Variants in RBMS3 observed in about 807,000 individuals in gnomAD.
RBMS3 encodes the protein RNA-binding motif, single-stranded-interacting protein 3.
In RBMS3, 27 loss-of-function variants were observed where a neutral mutation model predicts 66.8. That is an observed-to-expected ratio of 0.40 (90% CI 0.30 to 0.56). RBMS3 has a LOEUF of 0.56. Among genes scored for constraint, RBMS3 ranks in the 20% least tolerant of loss-of-function variants. The probability of loss-of-function intolerance (pLI) is 0.40; values close to 1 mark genes in which losing one functional copy is unlikely to be tolerated. For synonymous variants in RBMS3, 188 were observed against 183.0 expected, an observed-to-expected ratio of 1.03 and a Z score of -0.22; for missense variants, 513 against 549.5, an observed-to-expected ratio of 0.93 and a Z score of 0.66.
chr3:29,488,565 G>A (rs1036797923), intron 3 of RBMS3, 66 bp downstream of exon 3: 3 of 1,420,076 alleles, frequency 2.1e-6, no homozygotes, highest in Non-Finnish European at 2.9e-6. Context: ...TTCTTCCATT[G>A]TGGAGGTCCA....
At position 29,435,250 on chromosome 3, in the gene RBMS3, C is replaced by T. The variant is rs944095445; in HGVS notation, c.248+335C>T. Among the ~76,000 whole-genome samples, 7 of 152,274 alleles carry T rather than the reference C, an allele frequency of 4.6e-5. No individual in the cohort carries two copies. The East Asian group carries it at 9.7e-4, about 21-fold the overall frequency. On this transcript the variant is annotated intron_variant, in intron 2 of 14. Transcript: ENST00000383767. Reference sequence around the variant, plus strand: ...TCATTGATGAGTCTCATGAAATAAACGATTTTCTTGAGAAGTATTAGTGAA... The same window carrying T: ...TCATTGATGAGTCTCATGAAATAAATGATTTTCTTGAGAAGTATTAGTGAA...
intron 11 of RBMS3, among the ~76,000 whole-genome samples, chr3:29,943,951 G>A (rs1695126577): frequency 6.6e-6 from 1 of 151,650 alleles, no homozygotes; most frequent in Non-Finnish European, 1.5e-5. Context: ...ACAGGCTGTG[G>A]AAGATGACAG....
intron 5 of RBMS3, among the ~76,000 whole-genome samples, chr3:29,759,961 T>C (rs2055595002): frequency 6.6e-6 from 1 of 152,096 alleles, no homozygotes; most frequent in African/African-American, 2.4e-5. Flanking sequence ...ATTTATTCTT[T>C]CAGAGACGGG....
At chr3:29,847,022 C>T (rs56217513) in intron 6 of RBMS3, among the ~76,000 whole-genome samples, 34,798 of 152,084 alleles carry the variant, frequency 0.23, 5,141 homozygotes, top group Non-Finnish European at 0.34. Flanking sequence ...AGATGCAAGG[C>T]GCCATATCGC....
intron 4 of RBMS3, among the ~76,000 whole-genome samples, chr3:29,739,369 T>C (rs1454047583): frequency 6.9e-6 from 1 of 145,592 alleles, no homozygotes; most frequent in Non-Finnish European, 1.5e-5. Flanking sequence ...AGCAGGAGAA[T>C]GGCGTGAACC....
intron 2 of RBMS3, among the ~76,000 whole-genome samples, chr3:29,470,417 A>T (rs2042685703): frequency 6.6e-6 from 1 of 152,078 alleles, no homozygotes; most frequent in Non-Finnish European, 1.5e-5. Context: ...TTGTATCAAC[A>T]ACTTTAAATA....
intron 6 of RBMS3, among the ~76,000 whole-genome samples, chr3:29,864,003 C>A (rs190593358): frequency 1.1e-4 from 17 of 152,094 alleles, no homozygotes; most frequent in African/African-American, 1.9e-4. Context: ...ATTATAGATA[C>A]GTAATTGTTT....
intron 1 of RBMS3, among the ~76,000 whole-genome samples, chr3:29,345,723 A>G (rs555713719): frequency 6.6e-6 from 1 of 152,356 alleles, no homozygotes; most frequent in East Asian, 1.9e-4. Context: ...TGATGTTTTA[A>G]GGGACAGACT....
At chr3:29,399,221 G>A (rs201960468) in intron 1 of RBMS3, among the ~76,000 whole-genome samples, 20 of 151,634 alleles carry the variant, frequency 1.3e-4, no homozygotes, top group South Asian at 2.1e-4. Flanking sequence ...GTGTGTGTGT[G>A]TATATATATA....
intron 8 of RBMS3, among the ~76,000 whole-genome samples, chr3:29,890,296 TG>T (rs1258314184): frequency 6.6e-6 from 1 of 151,676 alleles, no homozygotes; most frequent in East Asian, 1.9e-4. Flanking sequence ...GTGTGGAAGC[TG>T]ATTTAAACAA....
At chr3:29,483,186 G>A (rs2043200229) in intron 2 of RBMS3, among the ~76,000 whole-genome samples, 1 of 151,386 alleles carries the variant, frequency 6.6e-6, no homozygotes, top group South Asian at 2.1e-4. Flanking sequence ...GCGGGCGCCT[G>A]TAGTCCCAGC....
At chr3:29,924,467 A>G (rs1270089034) in intron 10 of RBMS3, among the ~76,000 whole-genome samples, 1 of 152,102 alleles carries the variant, frequency 6.6e-6, no homozygotes, top group Non-Finnish European at 1.5e-5. Context: ...AGAGTATTAA[A>G]AAATAAATTT....
intron 1 of RBMS3, among the ~76,000 whole-genome samples, chr3:29,395,663 T>C (rs2039513743): frequency 6.6e-6 from 1 of 152,230 alleles, no homozygotes; most frequent in Non-Finnish European, 1.5e-5. Context: ...AATCATTGTC[T>C]TAATTTTCTC....
chr3:29,980,802 G>A (rs985077585), intron 12 of RBMS3, among the ~76,000 whole-genome samples: 1 of 152,070 alleles, frequency 6.6e-6, no homozygotes, highest in South Asian at 2.1e-4. Flanking sequence ...ATCTGTTTTG[G>A]TACCAGTACT....
At chr3:29,984,153 A>T (rs6764016) in intron 12 of RBMS3, among the ~76,000 whole-genome samples, 7,072 of 151,636 alleles carry the variant, frequency 0.047, 576 homozygotes, top group African/African-American at 0.16. Flanking sequence ...GCTTTATTTC[A>T]TTAAGTTGAT....
chr3:29,858,533 A>G (rs2059136111), intron 6 of RBMS3, among the ~76,000 whole-genome samples: 1 of 152,210 alleles, frequency 6.6e-6, no homozygotes, highest in Middle Eastern at 3.2e-3. Context: ...CTGTTGCTAC[A>G]TCAACCAACT....
chr3:29,324,399 A>T (rs2035193154), intron 1 of RBMS3, among the ~76,000 whole-genome samples: 1 of 152,146 alleles, frequency 6.6e-6, no homozygotes, highest in African/African-American at 2.4e-5. Flanking sequence ...GGCTAATATG[A>T]TTAACATTTG....
At chr3:29,941,622 G>A (rs937631130) in intron 11 of RBMS3, among the ~76,000 whole-genome samples, 5 of 151,712 alleles carry the variant, frequency 3.3e-5, no homozygotes, top group Non-Finnish European at 5.9e-5. Flanking sequence ...CTAGTAGTAC[G>A]AGTGTGTATT....
At chr3:29,524,109 T>C (rs1480786478) in intron 3 of RBMS3, among the ~76,000 whole-genome samples, 1 of 152,116 alleles carries the variant, frequency 6.6e-6, no homozygotes, top group African/African-American at 2.4e-5. Flanking sequence ...ACTTACTTTG[T>C]ATCCTTTTTT....
Sources: gnomAD v4.1 joint callset for allele counts (sites outside exome capture counted in the v4.1 genomes callset) on GRCh38, gnomAD v4.1.1 for gene constraint, MANE v1.5 for transcripts, NCBI Gene and HGNC (gene_info 2026-07-23, HGNC 2026-07-21) for gene names.